Variants in RPS6KA2 observed in about 807,000 individuals in gnomAD.
The protein encoded by RPS6KA2 is ribosomal protein S6 kinase A2, also known as ribosomal protein S6 kinase alpha-2.
In RPS6KA2, 42 loss-of-function variants were observed where a neutral mutation model predicts 91.8. The observed-to-expected ratio is 0.46, with a 90% CI of 0.36 to 0.59. The LOEUF is 0.59. Ranked by LOEUF, RPS6KA2 falls within the 20% of genes least tolerant of loss-of-function variation. The pLI, the probability that RPS6KA2 is intolerant of heterozygous loss-of-function variation, is 0.00. For missense variants in RPS6KA2, 798 were observed against 978.5 expected (o/e 0.82, Z 2.46); for synonymous variants, 414 against 393.6 (o/e 1.05, Z -0.61).
intron 2 of RPS6KA2, among the ~76,000 whole-genome samples, chr6:166,728,197 GA>G (rs1029630904): frequency 2.0e-5 from 3 of 152,222 alleles, no homozygotes; most frequent in African/African-American, 4.8e-5. Context: ...ACCAGATGCA[GA>G]GGGGTGGCTG....
chr6:166,658,488 G>C (rs1238118146), intron 2 of RPS6KA2, among the ~76,000 whole-genome samples: 1 of 152,166 alleles, frequency 6.6e-6, no homozygotes, highest in African/African-American at 2.4e-5. Flanking sequence ...TCCCACAAAT[G>C]ACACAAGGCA....
chr6:166,550,769 A>G (rs7748049), intron 1 of RPS6KA2, among the ~76,000 whole-genome samples: 12,980 of 152,018 alleles, frequency 0.085, 1,536 homozygotes, highest in African/African-American at 0.27. Context: ...TTGGGAGGCC[A>G]AGGCGGTCAG....
rs1781727281 is a variant in RPS6KA2, at chr6:166,494,817, C to T, written c.747+3691G>A. On this transcript the variant is annotated intron_variant, in intron 8 of 20. Coordinates refer to ENST00000265678, the MANE Select transcript of RPS6KA2 (RefSeq NM_021135.6). This position sits in a 1 kb window ranked among gnomAD's most constrained non-coding sequence, Gnocchi z 5.1. Reference sequence around the variant, plus strand: ...CCACCTCCAGGGGACGGACGGCCACCCACACATGAGGACCACTCCCTCAGC... The same window carrying T: ...CCACCTCCAGGGGACGGACGGCCACTCACACATGAGGACCACTCCCTCAGC... 2.0e-5 allele frequency among the ~76,000 whole-genome samples: 3 copies of T among 152,186 alleles called. No individual in the cohort carries two copies. Among genetic ancestry groups the T allele is most frequent in the Non-Finnish European group, 1.5e-5 (1 of 68,024 alleles).
chr6:166,798,771 C>T (rs1291158082), intron 2 of RPS6KA2, among the ~76,000 whole-genome samples: 1 of 152,220 alleles, frequency 6.6e-6, no homozygotes, highest in Non-Finnish European at 1.5e-5. Context: ...ATCTCCTGCC[C>T]CCTTCTCCAC....
At position 166,449,441 on chromosome 6, in the gene RPS6KA2, C is replaced by T. The variant is rs138683666; in HGVS notation, c.1207-592G>A. ...CCATTCAACTTACCCGGATTTCATTCTTAAATAAGTTTAATCATAATTAGA... is the reference window on the plus strand; with the variant it reads ...CCATTCAACTTACCCGGATTTCATTTTTAAATAAGTTTAATCATAATTAGA... On this transcript the variant is annotated intron_variant, in intron 13 of 20. Transcript: ENST00000265678. Among the ~76,000 whole-genome samples, 433 of 152,288 alleles carry T rather than the reference C, an allele frequency of 2.8e-3. 1 individual carries two copies. Among genetic ancestry groups the T allele is most frequent in the African/African-American group, 1.0e-2 (414 of 41,538 alleles).
chr6:166,787,677 G>T (rs866644509), intron 2 of RPS6KA2, among the ~76,000 whole-genome samples: 3 of 152,104 alleles, frequency 2.0e-5, no homozygotes, highest in South Asian at 2.1e-4. Context: ...ATTAACTCAA[G>T]ATGGAGTAAA....
rs7746519 is a variant in RPS6KA2, at chr6:166,448,648, G to A, written c.1332+76C>T. ...GGGCCCTGCTATGCTCCTATGCTCC[G>A]TGCTCCCACATACCACACGTGCTCC... On this transcript the variant is annotated intron_variant, in intron 14 of 20. Transcript: ENST00000265678. This position sits in a 1 kb window ranked among gnomAD's most constrained non-coding sequence, Gnocchi z 4.7. The A allele has an allele frequency of 0.92, 1,386,821 of 1,513,232 alleles. 636,416 individuals carry two copies. The highest frequency in any genetic ancestry group is 0.96 in the African/African-American group (69,647 of 72,752). The allele number at this position is 1,513,232 out of a possible 1,614,324, so 93.7% of individuals were successfully genotyped here. A position where few individuals can be genotyped will look rare whatever the true frequency, so the allele number is the denominator to read the frequency against.
chr6:166,444,094 T>C (rs976458236), intron 14 of RPS6KA2, among the ~76,000 whole-genome samples: 2 of 152,234 alleles, frequency 1.3e-5, no homozygotes, highest in African/African-American at 4.8e-5. Context: ...TACCTAATTA[T>C]GTTAAGCAAC....
chr6:166,492,577 T>A (rs1781630422), intron 8 of RPS6KA2, among the ~76,000 whole-genome samples: 1 of 152,244 alleles, frequency 6.6e-6, no homozygotes, highest in South Asian at 2.1e-4. Context: ...TCTGGCTACA[T>A]GAAATGAGAA....
At chr6:166,653,787 C>G (rs1044042400) in intron 2 of RPS6KA2, among the ~76,000 whole-genome samples, 1 of 152,164 alleles carries the variant, frequency 6.6e-6, no homozygotes, top group African/African-American at 2.4e-5. Context: ...GTAGCACACA[C>G]AAGAGAAATA....
intron 13 of RPS6KA2, among the ~76,000 whole-genome samples, chr6:166,449,088 C>T (rs866836870): frequency 6.6e-6 from 1 of 152,224 alleles, no homozygotes; most frequent in Non-Finnish European, 1.5e-5. Context: ...GACACCAGGC[C>T]GTTCTGTGTC....
chr6:166,647,776 A>G (rs1787659246), intron 2 of RPS6KA2, among the ~76,000 whole-genome samples: 1 of 150,862 alleles, frequency 6.6e-6, no homozygotes, highest in Non-Finnish European at 1.5e-5. Flanking sequence ...ACATGCTCAT[A>G]CACACACATG....
intron 2 of RPS6KA2, among the ~76,000 whole-genome samples, chr6:166,824,256 C>T (rs1562458124): frequency 6.6e-6 from 1 of 152,092 alleles, no homozygotes; most frequent in Non-Finnish European, 1.5e-5. Context: ...GGAGGGCTGC[C>T]CATGGAGCAG....
At chr6:166,859,739 A>G (rs1397887897) in intron 1 of RPS6KA2, among the ~76,000 whole-genome samples, 1 of 152,246 alleles carries the variant, frequency 6.6e-6, no homozygotes, top group Non-Finnish European at 1.5e-5. Context: ...ACTACAGATG[A>G]GAAAACAGGC....
chr6:166,661,098 C>CTTTTTTTCTTT (rs1554244494), intron 2 of RPS6KA2, among the ~76,000 whole-genome samples: 3 of 151,658 alleles, frequency 2.0e-5, no homozygotes, highest in Admixed American at 1.3e-4. Context: ...TGGCCAAAAT[C>CTTTTTTTCTTT]TTTTTCTTTT....
intron 2 of RPS6KA2, among the ~76,000 whole-genome samples, chr6:166,775,127 C>T (rs1778579975): frequency 6.6e-6 from 1 of 152,120 alleles, no homozygotes. Context: ...GTGGGAGTTA[C>T]CAAAATGGTT....
chr6:166,845,282 T>G (rs1417413054), intron 2 of RPS6KA2, among the ~76,000 whole-genome samples: 1 of 152,090 alleles, frequency 6.6e-6, no homozygotes, highest in Non-Finnish European at 1.5e-5. Flanking sequence ...CAATACTCCA[T>G]GGACAGCACT....
At chr6:166,638,301 C>T (rs1384219006) in intron 2 of RPS6KA2, among the ~76,000 whole-genome samples, 1 of 152,234 alleles carries the variant, frequency 6.6e-6, no homozygotes, top group East Asian at 1.9e-4. Context: ...GCCGCAGACT[C>T]GGCTGTGAGC....
At chr6:166,839,197 G>T (rs1780396685) in intron 2 of RPS6KA2, among the ~76,000 whole-genome samples, 1 of 152,222 alleles carries the variant, frequency 6.6e-6, no homozygotes, top group African/African-American at 2.4e-5. Context: ...CCGCGCGTAA[G>T]TCATGGTGTT....
Sources: allele counts gnomAD v4.1 joint callset (sites outside exome capture counted in the v4.1 genomes callset), GRCh38; gene constraint gnomAD v4.1.1; non-coding constraint Gnocchi (gnomAD v3.1); transcripts MANE v1.5; gene names NCBI Gene and HGNC (gene_info 2026-07-23, HGNC 2026-07-21).